Variants in FNIP1 observed in about 807,000 individuals in gnomAD.
FNIP1 encodes the protein folliculin interacting protein 1, also known as folliculin-interacting protein 1.
FNIP1 carries 40 observed loss-of-function variants against 124.5 expected under a neutral mutation model. That is an observed-to-expected ratio of 0.32 (90% CI 0.25 to 0.42). The LOEUF (loss-of-function observed/expected upper bound fraction) is 0.42. FNIP1 is among the 10% of genes least tolerant of loss of function. FNIP1 has a pLI of 1.00. For synonymous variants in FNIP1, 472 were observed against 470.6 expected (o/e 1.00, Z -0.04); for missense variants, 1,176 against 1,403.7 (o/e 0.84, Z 2.59).
rs187378983 is a variant in FNIP1 at position 131,655,678 on chromosome 5, A to G, written c.3109-3679T>C. 6.6e-5 allele frequency among the ~76,000 whole-genome samples: 10 copies of G among 151,780 alleles called. No homozygotes were observed. In the East Asian group the frequency reaches 1.9e-3, roughly 29 times the overall value. ...AGTTCCGCTCTCCAATAAACAGCAT[A>G]TCTCAGTTAAAAACTAATCTCTTTT... is the stretch of plus-strand genomic sequence containing the variant. On this transcript the variant is annotated intron_variant, in intron 15 of 17. Coordinates refer to ENST00000510461, the MANE Select transcript of FNIP1 (RefSeq NM_133372.3).
chr5:131,767,476 C>CAGG (rs1771476930), intron 1 of FNIP1, among the ~76,000 whole-genome samples: 1 of 142,144 alleles, frequency 7.0e-6, no homozygotes, highest in South Asian at 2.3e-4. Context: ...TGTTCTTAAG[C>CAGG]AGGTAGGACC....
intron 6 of FNIP1, among the ~76,000 whole-genome samples, chr5:131,715,061 T>C (rs919115615): frequency 1.3e-5 from 2 of 152,222 alleles, no homozygotes; most frequent in African/African-American, 4.8e-5. Flanking sequence ...CAAGTAAATG[T>C]TGCTCATTAT....
intron 3 of FNIP1, among the ~76,000 whole-genome samples, chr5:131,727,322 C>A (rs1769914175): frequency 3.3e-5 from 5 of 152,114 alleles, no homozygotes; most frequent in Admixed American, 3.3e-4. Flanking sequence ...CTTTATGAAT[C>A]TGGGTGCTCT....
chr5:131,752,912 A>G (rs1287015329), intron 1 of FNIP1, among the ~76,000 whole-genome samples: 1 of 152,174 alleles, frequency 6.6e-6, no homozygotes, highest in Non-Finnish European at 1.5e-5. Context: ...CTACTAAAAA[A>G]AAATATAAAA....
At chr5:131,767,277 C>T (rs79601585) in intron 1 of FNIP1, among the ~76,000 whole-genome samples, 3,968 of 151,524 alleles carry the variant, frequency 0.026, 179 homozygotes, top group African/African-American at 0.091. Flanking sequence ...ACTAAAAATA[C>T]AAAAATTAGC....
At chr5:131,792,669 C>T (rs1208047540) in intron 1 of FNIP1, among the ~76,000 whole-genome samples, 1 of 152,186 alleles carries the variant, frequency 6.6e-6, no homozygotes, top group Non-Finnish European at 1.5e-5. Context: ...TGGAAAACTT[C>T]ACATCTGACT....
At chr5:131,723,874 C>T (rs1183981130) in intron 3 of FNIP1, among the ~76,000 whole-genome samples, 1 of 151,738 alleles carries the variant, frequency 6.6e-6, no homozygotes, top group Non-Finnish European at 1.5e-5. Flanking sequence ...CCCCACCCCC[C>T]AATAGGTCCT....
At chr5:131,758,066 GAC>G (rs1771107200) in intron 1 of FNIP1, among the ~76,000 whole-genome samples, 1 of 152,078 alleles carries the variant, frequency 6.6e-6, no homozygotes, top group African/African-American at 2.4e-5. Flanking sequence ...GAAATCTATA[GAC>G]ACATGAAATT....
In FNIP1 at chr5:131,671,774, T is replaced by C. The variant is rs1561646474; in HGVS notation, c.2670A>G (p.Thr890=). 6.2e-7 allele frequency: 1 copy of C among 1,614,164 alleles called. No individual in the cohort carries two copies. The highest frequency in any genetic ancestry group is 1.7e-5 in the Admixed American group (1 of 60,026). ...AGGTTTTACATGAATCTTGGGGAAC[T>C]GTTTCTATACATTTACAAAATTCAT... ...QNNEFCKCIE[T]VPQDSCKTCF... The change falls in exon 14 of 18, where the codon ACA becomes ACG. Residue 890 remains threonine, a synonymous_variant. Transcript: ENST00000510461.
intron 15 of FNIP1, among the ~76,000 whole-genome samples, chr5:131,666,628 T>C (rs1314520337): frequency 6.6e-6 from 1 of 152,160 alleles, no homozygotes; most frequent in Non-Finnish European, 1.5e-5. Flanking sequence ...CTGAGCCATA[T>C]CTGAAACACA....
chr5:131,738,258 T>A (rs566008734), intron 2 of FNIP1, among the ~76,000 whole-genome samples: 1 of 152,328 alleles, frequency 6.6e-6, no homozygotes, highest in East Asian at 1.9e-4. Context: ...TCAATTTGTA[T>A]ATCAACGCTC....
chr5:131,654,718 T>G (rs139360756), intron 15 of FNIP1, among the ~76,000 whole-genome samples: 261 of 152,258 alleles, frequency 1.7e-3, no homozygotes, highest in African/African-American at 6.0e-3. Context: ...AGTGTATAGA[T>G]AGGACTACTG....
intron 1 of FNIP1, among the ~76,000 whole-genome samples, chr5:131,747,920 G>A (rs1445449783): frequency 6.6e-6 from 1 of 152,104 alleles, no homozygotes; most frequent in East Asian, 1.9e-4. Context: ...AGGATATAGA[G>A]CACAAGTGAA....
rs1766775356 is a variant in FNIP1, at chr5:131,643,452, T to C, written c.*1233A>G. The stretch of plus-strand genomic sequence containing the variant: ...GATAAGCAAAGAATAAACTATAATG[T>C]AGTACTCAAGTAAACTGAGGTAGTA... On this transcript the variant is annotated 3_prime_UTR_variant, in exon 18 of 18. Coordinates refer to ENST00000510461, the MANE Select transcript of FNIP1 (RefSeq NM_133372.3). 6.5e-6 allele frequency: 1 copy of C among 152,772 alleles called. No homozygotes were observed. Among genetic ancestry groups the C allele is most frequent in the Admixed American group, 6.5e-5 (1 of 15,280 alleles). 9.5% of individuals were successfully genotyped at this position (152,772 alleles called of 1,614,324 possible).
chr5:131,671,635 C>G lies in FNIP1; in HGVS notation c.2809G>C (p.Glu937Gln). ...VGTEWDIPRN[E>Q]SSDSALGDSE... ...TCCCCAAGGGCACTGTCTGAACTTT[C>G]ATTTCTTGGAATGTCCCATTCAGTT... The change falls in exon 14 of 18, where the codon GAA (glutamate) becomes CAA (glutamine). Residue 937 changes from glutamate (E) to glutamine (Q), a missense_variant. Around this residue, in one of 2 missense-constraint regions of FNIP1, gnomAD observed 1,109 missense variants for 1,288.5 expected, o/e 0.86. Transcript: ENST00000510461. 1 of 1,614,110 alleles carries G rather than the reference C, an allele frequency of 6.2e-7. No individual in the cohort carries two copies. Among genetic ancestry groups the G allele is most frequent in the Non-Finnish European group, 8.5e-7 (1 of 1,180,006 alleles).
At chr5:131,703,683 T>C (rs556636478) in intron 10 of FNIP1, among the ~76,000 whole-genome samples, 1 of 152,362 alleles carries the variant, frequency 6.6e-6, no homozygotes, top group South Asian at 2.1e-4. Context: ...TTAGTAATCC[T>C]TCCTTGCAGG....
intron 1 of FNIP1, among the ~76,000 whole-genome samples, chr5:131,762,828 C>T (rs1426665095): frequency 6.6e-6 from 1 of 152,154 alleles, no homozygotes; most frequent in Non-Finnish European, 1.5e-5. Flanking sequence ...GGTACTTATA[C>T]ACAATGGAGT....
At chr5:131,728,004 C>A (rs1349777221) in intron 3 of FNIP1, among the ~76,000 whole-genome samples, 1 of 152,252 alleles carries the variant, frequency 6.6e-6, no homozygotes, top group East Asian at 1.9e-4. Flanking sequence ...GAATATTGGT[C>A]CCCCACTCTC....
chr5:131,737,656 G>A (rs980464755), intron 2 of FNIP1, among the ~76,000 whole-genome samples: 3 of 152,142 alleles, frequency 2.0e-5, no homozygotes, highest in African/African-American at 7.2e-5. Context: ...AATAATGGTA[G>A]TACTCTTCTG....
Sources: gnomAD v4.1 joint callset for allele counts (sites outside exome capture counted in the v4.1 genomes callset) on GRCh38, gnomAD v4.1.1 for gene constraint, gnomAD v4.1.1 regional missense constraint, MANE v1.5 for transcripts, NCBI Gene and HGNC (gene_info 2026-07-23, HGNC 2026-07-21) for gene names.